DIABLO: variants seen among roughly 807,000 people sequenced by gnomAD.
DIABLO encodes the protein diablo IAP-binding mitochondrial protein.
Under a neutral mutation model 31.7 loss-of-function variants are expected in DIABLO, and 32 were observed. The ratio of observed to expected loss-of-function variants is 1.01; its 90% CI spans 0.76 to 1.35. DIABLO has a LOEUF of 1.35. DIABLO is among the 40% of genes most tolerant of loss of function. The probability of loss-of-function intolerance (pLI) is 0.00; values close to 1 mark genes in which losing one functional copy is unlikely to be tolerated. For synonymous variants in DIABLO, 132 were observed against 103.2 expected (o/e 1.28, Z -1.69); for missense variants, 316 against 286.4 (o/e 1.10, Z -0.75).
rs1262675758 is a variant in DIABLO at position 122,216,166 on chromosome 12, A to ATTG, written c.523+319_523+321dup. Among the ~76,000 whole-genome samples the ATTG allele has an allele frequency of 1.3e-4, 20 of 152,326 alleles. 1 individual carries two copies. Among genetic ancestry groups the ATTG allele is most frequent in the African/African-American group, 4.6e-4 (19 of 41,566 alleles). ...TCTCAGCCAACGGTGTAATTCTATG[A>ATTG]TTGTTAATAAATTGTATTACCAAAA... On this transcript the variant is annotated intron_variant, in intron 5 of 5. Transcript: ENST00000464942.
rs542758286 is a variant in DIABLO, at chr12:122,209,060, A to AC, written c.524-484dup. On this transcript the variant is annotated intron_variant, in intron 5 of 5. Transcript: ENST00000464942. ...ATTAAATATGTTTTATAATTTTTTC[A>AC]CTTAAACATGTTTTGAAGGCCGGGC... 29 of 286,916 alleles carry AC rather than the reference A, an allele frequency of 1.0e-4. 1 individual carries two copies. Among genetic ancestry groups the AC allele is most frequent in the South Asian group, 8.7e-4 (27 of 31,120 alleles). The allele number at this position is 286,916 out of a possible 1,614,324, so 17.8% of individuals were successfully genotyped here.
rs1445632210 is a variant in DIABLO at position 122,208,896 on chromosome 12, T to G, written c.524-319A>C. On this transcript the variant is annotated intron_variant, in intron 5 of 5. Transcript: ENST00000464942. ...TTTGATTAATTTTTTTAACTACACA[T>G]CTTCCATTTCTTTTTGACAAAGAGA... 22 of 408,974 alleles carry G rather than the reference T, an allele frequency of 5.4e-5. No individual in the cohort carries two copies. In the Admixed American group the frequency reaches 5.4e-4, roughly 10 times the overall value. 25.3% of individuals were successfully genotyped at this position (408,974 alleles called of 1,614,324 possible). A position where few individuals can be genotyped will look rare whatever the true frequency, so the allele number is the denominator to read the frequency against.
chr12:122,217,675 C>T (rs774097956), intron 3 of DIABLO: 31 of 156,884 alleles, frequency 2.0e-4, no homozygotes, highest in Non-Finnish European at 3.0e-4. Flanking sequence ...ACACACCATG[C>T]CTGGCTAAGT....
rs770137089 is a variant in DIABLO at position 122,226,029 on chromosome 12, A to T, written c.-15T>A. 22 of 1,600,296 alleles carry T rather than the reference A, an allele frequency of 1.4e-5. No homozygotes were observed. Among genetic ancestry groups the T allele is most frequent in the Non-Finnish European group, 1.7e-5 (20 of 1,175,022 alleles). On this transcript the variant is annotated 5_prime_UTR_variant, in exon 1 of 6. Coordinates refer to ENST00000464942, the MANE Select transcript of DIABLO (RefSeq NM_001371333.1). Reference sequence around the variant, plus strand: ...AGAGCCGCCATTGTGCAGCGCGCGGACGCCAGACGCACACGCCGGAAGTGA... The same window carrying T: ...AGAGCCGCCATTGTGCAGCGCGCGGTCGCCAGACGCACACGCCGGAAGTGA...
Position 122,208,484 on chromosome 12 carries a change from G to A in DIABLO, c.617C>T (p.Thr206Ile). 6.2e-7 allele frequency: 1 copy of A among 1,614,128 alleles called. No homozygotes were observed. The highest frequency in any genetic ancestry group is 1.6e-4 in the Middle Eastern group (1 of 6,062). The change falls in exon 6 of 6, where the codon ACC becomes ATC. Residue 206 changes from threonine to isoleucine, a missense_variant. Transcript: ENST00000464942. ...TTCTATCTGTGCTTCTGCCAGCTTG[G>A]TTTCTGCTTTCCGGGAGAGCTGGTG... ...EVHQLSRKAE[T>I]KLAEAQIEEL...
Position 122,218,283 on chromosome 12 carries a change from T to C in DIABLO, c.298A>G (p.Ile100Val), listed in dbSNP as rs1445325321. The change falls in exon 3 of 6, where the codon ATT becomes GTT. Residue 100 changes from isoleucine (I) to valine (V), a missense_variant. Ile to Val is a conservative substitution (Grantham distance 29). Transcript: ENST00000464942. ...SQTTYALIEAITEYTKAVYTL... is the reference protein window; with the variant it reads ...SQTTYALIEAVTEYTKAVYTL... ...AGACATACCTTAGTATATTCAGTAATAGCTTCAATCAACGCATATGTGGTC... is the reference window on the plus strand; with the variant it reads ...AGACATACCTTAGTATATTCAGTAACAGCTTCAATCAACGCATATGTGGTC... 4 of 1,614,138 alleles carry C rather than the reference T, an allele frequency of 2.5e-6. No individual in the cohort carries two copies. The highest frequency in any genetic ancestry group is 3.3e-5 in the Admixed American group (2 of 60,016).
chr12:122,225,851 G>A lies in DIABLO; in HGVS notation c.50+114C>T, dbSNP rs945630385. ...CGGAGCGAGACGCCGCGACCCAGCTGGGCGGACGAGAGATGAGCGCGTAAG... is the reference window on the plus strand; with the variant it reads ...CGGAGCGAGACGCCGCGACCCAGCTAGGCGGACGAGAGATGAGCGCGTAAG... On this transcript the variant is annotated intron_variant, in intron 1 of 5. Transcript: ENST00000464942. The A allele has an allele frequency of 2.4e-5, 37 of 1,531,376 alleles. 1 individual carries two copies. The highest frequency in any genetic ancestry group is 4.5e-4 in the Middle Eastern group (2 of 4,418). 94.9% of individuals were successfully genotyped at this position (1,531,376 alleles called of 1,614,324 possible).
upstream of DIABLO, among the ~76,000 whole-genome samples, chr12:122,226,809 T>C (rs1954489522): frequency 2.6e-5 from 4 of 152,336 alleles, no homozygotes; most frequent in South Asian, 8.3e-4. Context: ...GAAGCCCGGC[T>C]CTTCCCCGCG....
upstream of DIABLO, chr12:122,226,575 G>C (rs927776277): frequency 5.7e-6 from 4 of 696,770 alleles, no homozygotes; most frequent in African/African-American, 1.8e-5. Flanking sequence ...CGCGCTGCGC[G>C]GGAGCCCCAG....
intron 1 of DIABLO, chr12:122,225,313 G>C (rs1954432054): frequency 1.3e-6 from 1 of 774,604 alleles, no homozygotes; most frequent in South Asian, 5.2e-5. Flanking sequence ...CTTGAAGCCG[G>C]GAGGCACAGG....
chr12:122,226,657 G>C, upstream of DIABLO: 1 of 633,304 alleles, frequency 1.6e-6, no homozygotes, highest in Non-Finnish European at 2.8e-6. Context: ...CCTGGCCCTC[G>C]AAACAGCAAA....
intron 2 of DIABLO, 46 bp from the exon 3 acceptor site, chr12:122,218,443 A>G (rs970079068): frequency 6.2e-7 from 1 of 1,613,342 alleles, no homozygotes; most frequent in Non-Finnish European, 8.5e-7. Flanking sequence ...GCTCAAACTG[A>G]GAACTTTTTC....
chr12:122,219,017 G>A (rs1227930502), intron 2 of DIABLO, among the ~76,000 whole-genome samples: 1 of 148,240 alleles, frequency 6.7e-6, no homozygotes, highest in Non-Finnish European at 1.5e-5. Context: ...GGCAGATCAC[G>A]AGGTCAGGAG....
At chr12:122,218,232 G>GGTTTA in intron 3 of DIABLO, 34 bp downstream of exon 3, 1 of 1,613,060 alleles carries the variant, frequency 6.2e-7, no homozygotes, top group Non-Finnish European at 8.5e-7. Flanking sequence ...GCTAAACCAT[G>GGTTTA]GTTTAGAAGA....
intron 5 of DIABLO, among the ~76,000 whole-genome samples, chr12:122,215,630 A>G (rs999409615): frequency 4.6e-5 from 7 of 151,948 alleles, no homozygotes; most frequent in Non-Finnish European, 8.8e-5. Context: ...CTGTGAGCCT[A>G]CCTACCTAGG....
At chr12:122,223,847 C>A (rs1009649085) in intron 2 of DIABLO, among the ~76,000 whole-genome samples, 1 of 152,206 alleles carries the variant, frequency 6.6e-6, no homozygotes, top group Non-Finnish European at 1.5e-5. Context: ...GTCACCCAGG[C>A]TGGAGAGCAG....
At chr12:122,221,111 G>C (rs1258624156) in intron 2 of DIABLO, 1 of 152,168 alleles carries the variant, frequency 6.6e-6, no homozygotes, top group Admixed American at 6.5e-5. Flanking sequence ...GATGACTCAG[G>C]AGGGTGCCAA....
chr12:122,219,727 G>A (rs1441996736), intron 2 of DIABLO, among the ~76,000 whole-genome samples: 1 of 151,810 alleles, frequency 6.6e-6, no homozygotes, highest in Non-Finnish European at 1.5e-5. Flanking sequence ...GCTGGGCATG[G>A]TGGTGGGCAC....
At chr12:122,218,204 G>A (rs1954256567) in intron 3 of DIABLO, 62 bp downstream of exon 3, 1 of 1,582,826 alleles carries the variant, frequency 6.3e-7, no homozygotes, top group South Asian at 1.1e-5. Flanking sequence ...GACACAATTT[G>A]GTTGTGAGCC....
Sources: gnomAD v4.1 joint callset for allele counts (sites outside exome capture counted in the v4.1 genomes callset) on GRCh38, gnomAD v4.1.1 for gene constraint, MANE v1.5 for transcripts, NCBI Gene and HGNC (gene_info 2026-07-23, HGNC 2026-07-21) for gene names.